WRN: variants seen among roughly 807,000 people sequenced by gnomAD.
WRN encodes the protein WRN RecQ like helicase.
In WRN, 149 loss-of-function variants were observed where a neutral mutation model predicts 180.7. The ratio of observed to expected loss-of-function variants is 0.82; its 90% CI spans 0.72 to 0.94. WRN has a LOEUF of 0.94. WRN is among the 40% of genes least tolerant of loss of function. The probability of loss-of-function intolerance (pLI) is 0.00; values close to 1 mark genes in which losing one functional copy is unlikely to be tolerated. For synonymous variants in WRN, 548 were observed against 568.9 expected, an observed-to-expected ratio of 0.96 and a Z score of 0.52; for missense variants, 1,661 against 1,700.1, an observed-to-expected ratio of 0.98 and a Z score of 0.40.
chr8:31,111,593 A>G (rs753911165), intron 18 of WRN, 22 bp from the exon 19 acceptor site: 10 of 1,613,394 alleles, frequency 6.2e-6, no homozygotes, highest in Admixed American at 3.3e-5. Flanking sequence ...CCTTTTTAAA[A>G]TATCAGTTTT....
intron 8 of WRN, 53 bp downstream of exon 8, chr8:31,076,340 TA>T (rs1251549229): frequency 2.4e-5 from 36 of 1,480,628 alleles, no homozygotes; most frequent in Non-Finnish European, 2.8e-6. Context: ...TTTATTTTTT[TA>T]TCACATTTTC....
At chr8:31,059,114 G>A (rs750315075) in intron 2 of WRN, 39 bp from the exon 3 acceptor site, 2 of 1,422,578 alleles carry the variant, frequency 1.4e-6, no homozygotes, top group South Asian at 2.3e-5. Context: ...GTTATTTGAT[G>A]TGAACTTTGT....
At chr8:31,099,776 A>G (rs564819641) in intron 17 of WRN, among the ~76,000 whole-genome samples, 1 of 152,230 alleles carries the variant, frequency 6.6e-6, no homozygotes, top group Non-Finnish European at 1.5e-5. Flanking sequence ...TAGGAGTAGT[A>G]GCATTTTTGT....
chr8:31,035,441 A>G (rs928521686), intron 1 of WRN, among the ~76,000 whole-genome samples: 1 of 152,092 alleles, frequency 6.6e-6, no homozygotes, highest in Non-Finnish European at 1.5e-5. Context: ...CCCTGGGGGA[A>G]CCTGCCTCTT....
At chr8:31,156,444 G>A (rs2737342) in intron 32 of WRN, among the ~76,000 whole-genome samples, 108,931 of 152,116 alleles carry the variant, frequency 0.72, 39,259 homozygotes, top group East Asian at 0.89. Context: ...ACTACAATTA[G>A]TTGGAGGTAA....
chr8:31,050,950 TAGTA>T (rs772174274), intron 1 of WRN, among the ~76,000 whole-genome samples: 8 of 152,170 alleles, frequency 5.3e-5, no homozygotes, highest in Non-Finnish European at 2.9e-5. Flanking sequence ...CCATTTTAAA[TAGTA>T]AGTGGAAATT....
At chr8:31,096,304 A>T (rs947344162) in intron 16 of WRN, among the ~76,000 whole-genome samples, 4 of 152,214 alleles carry the variant, frequency 2.6e-5, no homozygotes, top group Non-Finnish European at 5.9e-5. Context: ...TTCATTTCAT[A>T]GAATGGAGAG....
chr8:31,060,974 C>T (rs1184385559), intron 3 of WRN, among the ~76,000 whole-genome samples: 6 of 152,180 alleles, frequency 3.9e-5, no homozygotes, highest in African/African-American at 1.4e-4. Context: ...GCTTGGAGTT[C>T]GTTGAATTTT....
intron 9 of WRN, among the ~76,000 whole-genome samples, chr8:31,082,602 AT>A (rs961269583): frequency 6.2e-4 from 90 of 146,252 alleles, no homozygotes; most frequent in Middle Eastern, 7.0e-3. Flanking sequence ...GGATTTCATG[AT>A]TTTTTTTTTT....
chr8:31,099,951 G>A (rs566049413), intron 17 of WRN, among the ~76,000 whole-genome samples: 9 of 152,264 alleles, frequency 5.9e-5, no homozygotes, highest in African/African-American at 1.9e-4. Context: ...CATGGCAGAT[G>A]GTGGAGCCAG....
chr8:31,155,230 C>G (rs547675407), intron 32 of WRN, among the ~76,000 whole-genome samples: 13 of 152,304 alleles, frequency 8.5e-5, no homozygotes, highest in Middle Eastern at 3.4e-3. Flanking sequence ...CAAGCATAGC[C>G]AAGCAACTGG....
intron 5 of WRN, among the ~76,000 whole-genome samples, chr8:31,066,471 C>A (rs1812709431): frequency 6.6e-6 from 1 of 152,150 alleles, no homozygotes; most frequent in Non-Finnish European, 1.5e-5. Context: ...CATACAGTTT[C>A]TTTAAGCAAG....
intron 27 of WRN, among the ~76,000 whole-genome samples, 164 bp from the exon 28 acceptor site, chr8:31,143,386 A>G (rs1286500489): frequency 3.3e-5 from 5 of 152,170 alleles, no homozygotes; most frequent in Non-Finnish European, 7.4e-5. Flanking sequence ...TACCTTTAGA[A>G]CTTTAGAAAC....
chr8:31,146,340 A>G, intron 28 of WRN, among the ~76,000 whole-genome samples: 1 of 151,022 alleles, frequency 6.6e-6, no homozygotes, highest in Non-Finnish European at 1.5e-5. Context: ...AAAACTACAC[A>G]AATATTATAT....
chr8:31,103,758 A>G (rs942950313), intron 18 of WRN, among the ~76,000 whole-genome samples: 2 of 151,424 alleles, frequency 1.3e-5, no homozygotes, highest in African/African-American at 2.4e-5. Flanking sequence ...TTTTTTTGAG[A>G]CAGTCTGGTT....
rs1337317651 is a variant in WRN at position 31,176,116 on chromosome 8, G to C, written c.*3014G>C. 1.3e-5 allele frequency among the ~76,000 whole-genome samples: 2 copies of C among 152,088 alleles called. No individual in the cohort carries two copies. The highest frequency in any genetic ancestry group is 4.8e-5 in the African/African-American group (2 of 41,408). On this transcript the variant is annotated 3_prime_UTR_variant, in exon 35 of 35. Coordinates refer to ENST00000298139, the MANE Select transcript of WRN (RefSeq NM_000553.6). ...CTTCATATTGTTGGACATTAAAGTT[G>C]CTTTCAGTTTTTTTGTTTTAAACAG...
At chr8:31,084,035 A>G (rs975152714) in intron 10 of WRN, among the ~76,000 whole-genome samples, 177 of 152,116 alleles carry the variant, frequency 1.2e-3, no homozygotes, top group African/African-American at 4.1e-3. Flanking sequence ...GTCTCACTCT[A>G]TCACCCAGGC....
chr8:31,128,297 A>G (rs1398523972), intron 23 of WRN, among the ~76,000 whole-genome samples: 2 of 152,170 alleles, frequency 1.3e-5, no homozygotes, highest in Non-Finnish European at 2.9e-5. Context: ...TATACATAGT[A>G]TACTGATTTA....
intron 5 of WRN, 24 bp from the exon 6 acceptor site, chr8:31,067,009 G>C (rs374395940): frequency 6.2e-7 from 1 of 1,612,926 alleles, no homozygotes; most frequent in African/African-American, 1.3e-5. Flanking sequence ...TGATTTTACT[G>C]TGTTGCTTTT....
Sources: gnomAD v4.1 joint callset for allele counts (sites outside exome capture counted in the v4.1 genomes callset) on GRCh38, gnomAD v4.1.1 for gene constraint, MANE v1.5 for transcripts, NCBI Gene and HGNC (gene_info 2026-07-23, HGNC 2026-07-21) for gene names.